The following GLYR1 variants were observed in gnomAD, a reference collection of about 807,000 sequenced individuals.
GLYR1 encodes the protein cytokine-like nuclear factor N-PAC.
A neutral mutation model predicts 72.7 loss-of-function variants in GLYR1; 21 were observed. The observed-to-expected ratio is 0.29, with a 90% CI of 0.20 to 0.42. The LOEUF (loss-of-function observed/expected upper bound fraction) is 0.42, where lower values mean the gene tolerates loss of function less well. Ranked by LOEUF, GLYR1 falls within the 10% of genes least tolerant of loss-of-function variation. GLYR1 has a pLI of 1.00. For synonymous variants in GLYR1, 392 were observed against 270.2 expected, an observed-to-expected ratio of 1.45 and a Z score of -4.42; for missense variants, 594 against 712.1, an observed-to-expected ratio of 0.83 and a Z score of 1.89.
intron 4 of GLYR1, 197 bp downstream of exon 4, chr16:4,832,577 C>A: frequency 1.2e-5 from 8 of 663,366 alleles, no homozygotes; most frequent in Non-Finnish European, 1.7e-5. Flanking sequence ...CTAAAAGCAA[C>A]AACCTACTCC....
intron 5 of GLYR1, among the ~76,000 whole-genome samples, chr16:4,824,504 A>G (rs1420935536): frequency 1.3e-5 from 2 of 151,550 alleles, no homozygotes; most frequent in African/African-American, 4.9e-5. Context: ...ATCTCAAAAA[A>G]AAAAAAAAAA....
chr16:4,847,036 C>A lies in GLYR1; in HGVS notation c.38+192G>T, dbSNP rs1314252569. 7 of 580,008 alleles carry A rather than the reference C, an allele frequency of 1.2e-5. No individual in the cohort carries two copies. In the African/African-American group the frequency reaches 1.4e-4, roughly 12 times the overall value. The allele number at this position is 580,008 out of a possible 1,614,324, so 35.9% of individuals were successfully genotyped here. A position where few individuals can be genotyped will look rare whatever the true frequency, so the allele number is the denominator to read the frequency against. On this transcript the variant is annotated intron_variant, in intron 1 of 15. Coordinates refer to ENST00000321919, the MANE Select transcript of GLYR1 (RefSeq NM_032569.4). ...TCAAAGCCGGTGCCCGACGTGGCCA[C>A]CCTCGGCCTCGGTCCCCCGGGACTG...
intron 10 of GLYR1, among the ~76,000 whole-genome samples, chr16:4,817,336 G>T (rs1176677069): frequency 6.6e-6 from 1 of 151,946 alleles, no homozygotes; most frequent in East Asian, 1.9e-4. Context: ...AGCCAGGATG[G>T]TCTCGATCTC....
intron 5 of GLYR1, 126 bp from the exon 6 acceptor site, chr16:4,824,033 G>T: frequency 1.5e-6 from 1 of 648,184 alleles, no homozygotes. Context: ...CCGTCCCTCG[G>T]GAGAAACAAG....
intron 14 of GLYR1, 152 bp from the exon 15 acceptor site, chr16:4,811,446 A>AG: frequency 7.9e-7 from 1 of 1,267,652 alleles, no homozygotes; most frequent in Non-Finnish European, 1.1e-6. Flanking sequence ...TAGACACCTG[A>AG]GGGCTGCAGC....
intron 9 of GLYR1, 42 bp downstream of exon 9, chr16:4,821,338 C>G: frequency 6.2e-7 from 1 of 1,604,068 alleles, no homozygotes; most frequent in African/African-American, 1.3e-5. Context: ...CCACCCTCAG[C>G]AGAACCAGAG....
intron 3 of GLYR1, among the ~76,000 whole-genome samples, chr16:4,837,968 T>G (rs994798012): frequency 7.1e-6 from 1 of 141,810 alleles, no homozygotes; most frequent in East Asian, 1.9e-4. Context: ...AATAAATAAA[T>G]AAATAAAGAT....
chr16:4,811,549 T>C, intron 14 of GLYR1, 74 bp downstream of exon 14: 1 of 1,551,172 alleles, frequency 6.4e-7, no homozygotes, highest in South Asian at 1.1e-5. Flanking sequence ...TCTTTCACGC[T>C]CACTAAATCC....
intron 15 of GLYR1, among the ~76,000 whole-genome samples, chr16:4,807,588 T>C (rs955201465): frequency 1.3e-5 from 2 of 152,168 alleles, no homozygotes; most frequent in African/African-American, 2.4e-5. Flanking sequence ...CCTAACAGTA[T>C]AGAGTCTAAG....
intron 3 of GLYR1, among the ~76,000 whole-genome samples, chr16:4,841,731 T>C (rs1158643152): frequency 6.6e-6 from 1 of 152,176 alleles, no homozygotes; most frequent in African/African-American, 2.4e-5. Flanking sequence ...AGTTCCCATT[T>C]TTGTTTCAGA....
intron 5 of GLYR1, among the ~76,000 whole-genome samples, chr16:4,824,918 C>G (rs943178036): frequency 2.0e-5 from 3 of 152,198 alleles, no homozygotes; most frequent in Non-Finnish European, 4.4e-5. Flanking sequence ...AAAACGCCTG[C>G]TCCATTCTAC....
At chr16:4,839,653 A>G (rs2085401859) in intron 3 of GLYR1, 1 of 152,240 alleles carries the variant, frequency 6.6e-6, no homozygotes, top group African/African-American at 2.4e-5. Context: ...TCACCAGGAC[A>G]CCTGATTAGG....
intron 1 of GLYR1, chr16:4,846,802 G>A (rs985061199): frequency 1.9e-5 from 5 of 264,540 alleles, no homozygotes; most frequent in Non-Finnish European, 3.7e-5. Flanking sequence ...CGGCCGCACA[G>A]GTCGGCTGCA....
Position 4,812,496 on chromosome 16 carries a change from A to AT in GLYR1, c.1120-249dup, listed in dbSNP as rs564781680. Among the ~76,000 whole-genome samples, 1,278 of 143,950 alleles carry AT rather than the reference A, an allele frequency of 8.9e-3. 8 individuals are homozygous for AT. Among genetic ancestry groups the AT allele is most frequent in the African/African-American group, 0.025 (989 of 39,478 alleles). 94.4% of individuals were successfully genotyped at this position (143,950 alleles called of 152,430 possible). On this transcript the variant is annotated intron_variant, in intron 12 of 15. Coordinates refer to ENST00000321919, the MANE Select transcript of GLYR1 (RefSeq NM_032569.4). ...CACACAGGAACCCAACTGACTTGGAATTTTTTTTTTTTTTTTGAGGTGGAG... is the reference window on the plus strand; with the variant it reads ...CACACAGGAACCCAACTGACTTGGAATTTTTTTTTTTTTTTTTGAGGTGGAG...
Position 4,821,539 on chromosome 16 carries a change from C to A in GLYR1, c.732+8G>T. ...AAATTAAAATGGGGAGGCATGGAGC[C>A]TACATACCTCTTCACATATTTTCAA... On this transcript the variant is annotated splice_region_variant and intron_variant, in intron 8 of 15. Transcript: ENST00000321919. The A allele has an allele frequency of 6.2e-7, 1 of 1,614,044 alleles. No individual in the cohort carries two copies. Among genetic ancestry groups the A allele is most frequent in the South Asian group, 1.1e-5 (1 of 91,080 alleles).
rs764399139 is a variant in GLYR1 at position 4,846,563 on chromosome 16, CA to C, written c.39-354del. 50 of 293,370 alleles carry C rather than the reference CA, an allele frequency of 1.7e-4. No individual in the cohort carries two copies. In the East Asian group the frequency reaches 3.7e-3, roughly 22 times the overall value. The allele number at this position is 293,370 out of a possible 1,614,324, so 18.2% of individuals were successfully genotyped here. On this transcript the variant is annotated intron_variant, in intron 1 of 15. Coordinates refer to ENST00000321919, the MANE Select transcript of GLYR1 (RefSeq NM_032569.4). Reference sequence around the variant, plus strand: ...CAACAGGAGACCTGCCTGGCTTTGACAAATGCTAATGGAAGCCTTCCTCTGG... The same window carrying C: ...CAACAGGAGACCTGCCTGGCTTTGACAATGCTAATGGAAGCCTTCCTCTGG...
rs150744754 is a variant in GLYR1 at position 4,811,263 on chromosome 16, G to A, written c.1494C>T (p.Phe498=). The A allele has an allele frequency of 7.4e-5, 119 of 1,614,178 alleles. No individual in the cohort carries two copies. Among genetic ancestry groups the A allele is most frequent in the Non-Finnish European group, 9.4e-5 (111 of 1,180,016 alleles). ...GATCCTTCTGAATGTATTTCAGGTA[G>A]AAATCAGGCTTAAAGTTTCCTTGCA... ...NILQGNFKPD[F]YLKYIQKDLR... is the part of the protein sequence containing the mutation. The change falls in exon 15 of 16, where the codon TTC becomes TTT. Residue 498 remains phenylalanine, a synonymous_variant. Transcript: ENST00000321919.
rs750854385 is a variant in GLYR1, at chr16:4,811,158, CA to C, written c.1587+11del. 2 of 1,612,476 alleles carry C rather than the reference CA, an allele frequency of 1.2e-6. No homozygotes were observed. Among genetic ancestry groups the C allele is most frequent in the African/African-American group, 2.7e-5 (2 of 74,916 alleles). ...CTGAAGGGCCTTGGGGCTTGGGCCACATCTACCCTACCTCATTTGCTGCAGC... is the reference window on the plus strand; with the variant it reads ...CTGAAGGGCCTTGGGGCTTGGGCCACTCTACCCTACCTCATTTGCTGCAGC... On this transcript the variant is annotated intron_variant, in intron 15 of 15. Coordinates refer to ENST00000321919, the MANE Select transcript of GLYR1 (RefSeq NM_032569.4).
intron 15 of GLYR1, among the ~76,000 whole-genome samples, chr16:4,809,502 C>T (rs2083200461): frequency 6.6e-6 from 1 of 150,938 alleles, no homozygotes; most frequent in South Asian, 2.1e-4. Context: ...GTCCCAGCTA[C>T]TCAGGAGGGT....
Sources: gnomAD v4.1 joint callset for allele counts (sites outside exome capture counted in the v4.1 genomes callset) on GRCh38, gnomAD v4.1.1 for gene constraint, MANE v1.5 for transcripts, NCBI Gene and HGNC (gene_info 2026-07-23, HGNC 2026-07-21) for gene names.